The following ADAMTS6 variants were observed in gnomAD, a reference collection of about 807,000 sequenced individuals.
The protein encoded by ADAMTS6 is A disintegrin and metalloproteinase with thrombospondin motifs 6.
In ADAMTS6, 23 loss-of-function variants were observed where a neutral mutation model predicts 144.3. The ratio of observed to expected loss-of-function variants is 0.16; its 90% confidence interval spans 0.11 to 0.23. The LOEUF is 0.23. ADAMTS6 is among the 10% of genes least tolerant of loss of function. The probability of loss-of-function intolerance (pLI) is 1.00; values close to 1 mark genes in which losing one functional copy is unlikely to be tolerated. For synonymous variants in ADAMTS6, 444 were observed against 457.5 expected, an observed-to-expected ratio of 0.97 and a Z score of 0.38; for missense variants, 999 against 1,379.6, an observed-to-expected ratio of 0.72 and a Z score of 4.37.
At chr5:65,321,011 A>G (rs997876052) in intron 9 of ADAMTS6, among the ~76,000 whole-genome samples, 2 of 152,188 alleles carry the variant, frequency 1.3e-5, no homozygotes, top group Non-Finnish European at 2.9e-5. Flanking sequence ...CAATGAACAT[A>G]CATGTGCATT....
At chr5:65,348,790 A>G (rs950688924) in intron 7 of ADAMTS6, among the ~76,000 whole-genome samples, 2 of 152,060 alleles carry the variant, frequency 1.3e-5, no homozygotes, top group African/African-American at 4.8e-5. Context: ...CCATTAAAAA[A>G]ATTTTATAAC....
At chr5:65,431,987 C>T (rs963912528) in intron 7 of ADAMTS6, among the ~76,000 whole-genome samples, 2 of 151,834 alleles carry the variant, frequency 1.3e-5, no homozygotes, top group African/African-American at 4.8e-5. Context: ...AGAGATTTTG[C>T]GAGAGGTGGG....
At chr5:65,187,119 G>T (rs1447145849) in intron 22 of ADAMTS6, among the ~76,000 whole-genome samples, 1 of 152,166 alleles carries the variant, frequency 6.6e-6, no homozygotes, top group Admixed American at 6.5e-5. Flanking sequence ...ATCCTGTTTT[G>T]CTAACTTGAA....
chr5:65,329,529 A>T, intron 8 of ADAMTS6, 46 bp from the exon 9 acceptor site: 1 of 1,492,872 alleles, frequency 6.7e-7, no homozygotes, highest in Non-Finnish European at 9.1e-7. Flanking sequence ...AAGGTGTTTC[A>T]GTCTTTAAAA....
chr5:65,210,725 A>T, intron 20 of ADAMTS6: 1 of 646,542 alleles, frequency 1.5e-6, no homozygotes, highest in Non-Finnish European at 2.9e-6. Context: ...ATCATGGGCC[A>T]GAATGTTTCA....
chr5:65,240,384 GA>G (rs1388618791), intron 15 of ADAMTS6, among the ~76,000 whole-genome samples: 1 of 151,926 alleles, frequency 6.6e-6, no homozygotes, highest in Non-Finnish European at 1.5e-5. Flanking sequence ...ACTATGGTGA[GA>G]AAAAAAGTCA....
intron 14 of ADAMTS6, among the ~76,000 whole-genome samples, chr5:65,245,360 A>G (rs978823627): frequency 8.5e-5 from 13 of 152,104 alleles, no homozygotes; most frequent in Non-Finnish European, 7.4e-5. Context: ...CAGGCAGAAG[A>G]AGAATCTTTT....
At chr5:65,200,493 G>C (rs1222617916) in intron 20 of ADAMTS6, among the ~76,000 whole-genome samples, 1 of 152,052 alleles carries the variant, frequency 6.6e-6, no homozygotes, top group Non-Finnish European at 1.5e-5. Flanking sequence ...ATTACATCCA[G>C]TTACACGAAA....
rs148899833 is a variant in ADAMTS6 at position 65,292,784 on chromosome 5, A to G, written c.1371-1314T>C. Among the ~76,000 whole-genome samples, 15 of 152,180 alleles carry G rather than the reference A, an allele frequency of 9.9e-5. No homozygotes were observed. The East Asian group carries it at 2.7e-3, about 27-fold the overall frequency. ...AAGGAATATTAAGTATGGTACTAATACAGATGGATTTTACCACTGGCTACT... is the reference window on the plus strand; with the variant it reads ...AAGGAATATTAAGTATGGTACTAATGCAGATGGATTTTACCACTGGCTACT... On this transcript the variant is annotated intron_variant, in intron 10 of 24. Transcript: ENST00000381055.
chr5:65,163,361 G>C (rs112172450), intron 24 of ADAMTS6, among the ~76,000 whole-genome samples: 275 of 152,306 alleles, frequency 1.8e-3, no homozygotes, highest in African/African-American at 6.2e-3. Flanking sequence ...AGTAAAGCCA[G>C]AGATTCTGCA....
intron 9 of ADAMTS6, among the ~76,000 whole-genome samples, chr5:65,306,989 A>G (rs1437102395): frequency 6.6e-6 from 1 of 152,118 alleles, no homozygotes; most frequent in Non-Finnish European, 1.5e-5. Context: ...TGTTTGTTTT[A>G]TGGTATCTTT....
At chr5:65,193,038 G>A (rs1173055960) in intron 21 of ADAMTS6, among the ~76,000 whole-genome samples, 1 of 151,676 alleles carries the variant, frequency 6.6e-6, no homozygotes, top group Non-Finnish European at 1.5e-5. Context: ...AATGGTATAG[G>A]GAAAACAATC....
intron 15 of ADAMTS6, among the ~76,000 whole-genome samples, chr5:65,237,749 A>T (rs1758794023): frequency 6.6e-6 from 1 of 152,134 alleles, no homozygotes; most frequent in Non-Finnish European, 1.5e-5. Flanking sequence ...AATAACACAT[A>T]AAAAAATACA....
At chr5:65,272,708 T>C (rs11747559) in intron 12 of ADAMTS6, among the ~76,000 whole-genome samples, 82,624 of 151,364 alleles carry the variant, frequency 0.55, 22,817 homozygotes, top group African/African-American at 0.64. Flanking sequence ...TCACTTGAGC[T>C]CAGGAGTTCG....
At chr5:65,462,317 T>G (rs1385945424) in intron 3 of ADAMTS6, among the ~76,000 whole-genome samples, 1 of 152,216 alleles carries the variant, frequency 6.6e-6, no homozygotes, top group Non-Finnish European at 1.5e-5. Context: ...CATGCTGGTC[T>G]GTGGGCACAA....
intron 7 of ADAMTS6, among the ~76,000 whole-genome samples, chr5:65,365,403 TG>T (rs763733537): frequency 2.6e-4 from 39 of 152,226 alleles, no homozygotes; most frequent in Admixed American, 3.9e-4. Context: ...CCAAGCACTT[TG>T]GGAGGCCAAG....
intron 14 of ADAMTS6, 140 bp downstream of exon 14, chr5:65,260,460 A>G: frequency 4.5e-6 from 3 of 664,144 alleles, no homozygotes; most frequent in Non-Finnish European, 5.2e-6. Context: ...GGCCAGCTCC[A>G]TTCATTATTA....
chr5:65,422,916 C>T (rs372715312), intron 7 of ADAMTS6, among the ~76,000 whole-genome samples: 26 of 152,144 alleles, frequency 1.7e-4, no homozygotes, highest in African/African-American at 4.3e-4. Context: ...TCCCATCAAA[C>T]GATGAATGGA....
chr5:65,345,704 T>C (rs887632578), intron 7 of ADAMTS6, among the ~76,000 whole-genome samples: 1 of 151,874 alleles, frequency 6.6e-6, no homozygotes, highest in Non-Finnish European at 1.5e-5. Flanking sequence ...TAGACTGAAC[T>C]TTGGTCACTT....
Sources: gnomAD v4.1 joint callset for allele counts (sites outside exome capture counted in the v4.1 genomes callset) on GRCh38, gnomAD v4.1.1 for gene constraint, MANE v1.5 for transcripts, NCBI Gene and HGNC (gene_info 2026-07-23, HGNC 2026-07-21) for gene names.